Variants in MAPT observed in about 807,000 individuals in gnomAD.
MAPT encodes microtubule associated protein tau.
Under a neutral mutation model 67.9 loss-of-function variants are expected in MAPT, and 34 were observed. The ratio of observed to expected loss-of-function variants is 0.50; its 90% CI spans 0.38 to 0.67. The LOEUF is 0.67. Among genes scored for constraint, MAPT ranks in the 30% least tolerant of loss-of-function variants. The pLI is 0.00. For missense variants in MAPT, 881 were observed against 1,115.2 expected (o/e 0.79, Z 2.99); for synonymous variants, 456 against 464.5 (o/e 0.98, Z 0.23).
intron 1 of MAPT, among the ~76,000 whole-genome samples, chr17:45,947,470 C>A (rs1478883968): frequency 6.6e-6 from 1 of 151,432 alleles, no homozygotes; most frequent in South Asian, 2.1e-4. Context: ...TGCATGCAAC[C>A]ACCACCTCCC....
chr17:45,990,671 A>G (rs2073990042), intron 7 of MAPT, among the ~76,000 whole-genome samples: 1 of 152,188 alleles, frequency 6.6e-6, no homozygotes, highest in Non-Finnish European at 1.5e-5. Context: ...TTTTGGCAAG[A>G]GAAATGCTTC....
At chr17:46,014,371 G>T (rs775645355) in intron 11 of MAPT, 47 bp downstream of exon 11, 1 of 1,360,634 alleles carries the variant, frequency 7.3e-7, no homozygotes, top group Admixed American at 1.7e-5. Context: ...TGCAGGGGGT[G>T]GAGGAGTCCT....
At chr17:45,974,373 G>A (rs369673529) in intron 3 of MAPT, 10 of 1,590,210 alleles carry the variant, frequency 6.3e-6, no homozygotes, top group African/African-American at 1.3e-5. Flanking sequence ...GGTGGATCTC[G>A]GTGGTTTCTA....
intron 3 of MAPT, chr17:45,973,317 C>T (rs1003680136): frequency 1.3e-5 from 2 of 152,212 alleles, no homozygotes; most frequent in Non-Finnish European, 2.9e-5. Context: ...ACTTCCTGCT[C>T]ATCTTGTCGG....
intron 1 of MAPT, among the ~76,000 whole-genome samples, chr17:45,959,791 A>AT (rs889101656): frequency 1.3e-5 from 2 of 152,132 alleles, no homozygotes; most frequent in Non-Finnish European, 2.9e-5. Flanking sequence ...AAAAAAAAAA[A>AT]ATTATGGACA....
At chr17:45,982,815 C>T (rs1355867329) in intron 4 of MAPT, 51 bp from the exon 5 acceptor site, 1 of 1,052,358 alleles carries the variant, frequency 9.5e-7, no homozygotes, top group Non-Finnish European at 1.2e-6. Flanking sequence ...CTCTCTTAAG[C>T]GATTAATGCG....
rs1170482057 is a variant in MAPT, at chr17:45,971,953, C to T, written c.220+8C>T. 6.2e-7 allele frequency: 1 copy of T among 1,611,478 alleles called. No individual in the cohort carries two copies. The highest frequency in any genetic ancestry group is 8.5e-7 in the Non-Finnish European group (1 of 1,177,872). ...GCACTCCAACAGCGGAAGGTGGGCC[C>T]CCCTTCAGACGCCCCCTCCATGCCT... On this transcript the variant is annotated splice_region_variant and intron_variant, in intron 3 of 12. Coordinates refer to ENST00000262410, the MANE Select transcript of MAPT (RefSeq NM_001377265.1). The surrounding 1 kb of genome is among the most constrained non-coding windows in gnomAD (Gnocchi z 4.3).
At chr17:45,922,746 T>A (rs148584053) in intron 1 of MAPT, among the ~76,000 whole-genome samples, 1 of 151,880 alleles carries the variant, frequency 6.6e-6, no homozygotes, top group East Asian at 1.9e-4. Flanking sequence ...TGGGACTGGA[T>A]CCCCTCTGGG....
At chr17:45,926,938 C>T (rs555853643) in intron 1 of MAPT, among the ~76,000 whole-genome samples, 343 of 111,736 alleles carry the variant, frequency 3.1e-3, no homozygotes, top group African/African-American at 8.5e-3. Flanking sequence ...CATATATACA[C>T]ATATATATAC....
At chr17:45,908,782 T>G (rs2064521241) in intron 1 of MAPT, among the ~76,000 whole-genome samples, 1 of 152,184 alleles carries the variant, frequency 6.6e-6, no homozygotes, top group African/African-American at 2.4e-5. Context: ...TCAGTTCTGG[T>G]CTTGCCTCCC....
chr17:45,905,506 CAGT>C (rs1293496648), intron 1 of MAPT, among the ~76,000 whole-genome samples: 1 of 152,034 alleles, frequency 6.6e-6, no homozygotes, highest in Non-Finnish European at 1.5e-5. Flanking sequence ...AATTTTTAAT[CAGT>C]AGGATTCATA....
At chr17:45,900,765 C>T (rs1366710323) in intron 1 of MAPT, among the ~76,000 whole-genome samples, 1 of 152,202 alleles carries the variant, frequency 6.6e-6, no homozygotes, top group Admixed American at 6.5e-5. Context: ...TCCCAGCTCC[C>T]TGCTCACTGT....
At chr17:45,984,464 C>T (rs2073339662) in intron 5 of MAPT, among the ~76,000 whole-genome samples, 2 of 152,250 alleles carry the variant, frequency 1.3e-5, no homozygotes, top group Admixed American at 1.3e-4. Flanking sequence ...CTGCATCCCA[C>T]AACGCCTCCC....
chr17:45,917,219 T>C (rs891167737), intron 1 of MAPT, among the ~76,000 whole-genome samples: 2 of 152,212 alleles, frequency 1.3e-5, no homozygotes, highest in African/African-American at 4.8e-5. Context: ...GATAAACCAT[T>C]CTGCTTTGCA....
intron 1 of MAPT, among the ~76,000 whole-genome samples, chr17:45,912,854 T>G (rs1233443330): frequency 6.6e-6 from 1 of 152,236 alleles, no homozygotes; most frequent in Non-Finnish European, 1.5e-5. Context: ...TTTTGAAATT[T>G]GCAAGAAAGC....
rs111990229 is a variant in MAPT at position 45,897,334 on chromosome 17, G to A, written c.-18+2648G>A. On this transcript the variant is annotated intron_variant, in intron 1 of 12. Transcript: ENST00000262410. The surrounding 1 kb of genome is among the most constrained non-coding windows in gnomAD (Gnocchi z 5.0). ...AGCCCGGTGGGGATGAGCGCATTTAGCCCAATGCTGGGAACAAAGCGCACT... is the reference window on the plus strand; with the variant it reads ...AGCCCGGTGGGGATGAGCGCATTTAACCCAATGCTGGGAACAAAGCGCACT... The A allele has an allele frequency of 3.9e-4, 59 of 152,386 alleles. No individual in the cohort carries two copies. Among genetic ancestry groups the A allele is most frequent in the African/African-American group, 1.4e-3 (59 of 41,576 alleles). The allele number at this position is 152,386 out of a possible 1,614,324, so 9.4% of individuals were successfully genotyped here.
rs1215195585 is a variant in MAPT at position 45,919,455 on chromosome 17, G to A, written c.-18+24769G>A. Reference sequence around the variant, plus strand: ...CTCTGTGGAGAACCGTGGTCAGTTCGCCAGGCCGGATCCACGAACGGCCTT... The same window carrying A: ...CTCTGTGGAGAACCGTGGTCAGTTCACCAGGCCGGATCCACGAACGGCCTT... On this transcript the variant is annotated intron_variant, in intron 1 of 12. Transcript: ENST00000262410. 3.9e-5 allele frequency among the ~76,000 whole-genome samples: 6 copies of A among 152,304 alleles called. 1 individual carries two copies. In the South Asian group the frequency reaches 8.3e-4, roughly 21 times the overall value.
At chr17:45,935,807 C>G (rs1201896528) in intron 1 of MAPT, among the ~76,000 whole-genome samples, 1 of 152,146 alleles carries the variant, frequency 6.6e-6, no homozygotes, top group Admixed American at 6.5e-5. Context: ...CCCTTCAAGT[C>G]TTAGCTCAAG....
At chr17:45,950,469 G>T (rs1315286570) in intron 1 of MAPT, among the ~76,000 whole-genome samples, 4 of 146,832 alleles carry the variant, frequency 2.7e-5, no homozygotes, top group African/African-American at 9.7e-5. Context: ...GGTTCTTGGA[G>T]GCCCCAGCCT....
Sources: allele counts gnomAD v4.1 joint callset (sites outside exome capture counted in the v4.1 genomes callset), GRCh38; gene constraint gnomAD v4.1.1; non-coding constraint Gnocchi (gnomAD v3.1); transcripts MANE v1.5; gene names NCBI Gene and HGNC (gene_info 2026-07-23, HGNC 2026-07-21).